The following LRP1B variants were observed in gnomAD, a reference collection of about 807,000 sequenced individuals.
LRP1B encodes the protein LDL receptor related protein 1B.
In LRP1B, 217 loss-of-function variants were observed where a neutral mutation model predicts 556.6. That is an observed-to-expected ratio of 0.39 (90% CI 0.35 to 0.44). The LOEUF (loss-of-function observed/expected upper bound fraction) is 0.44. LRP1B is among the 20% of genes least tolerant of loss of function. The probability of loss-of-function intolerance (pLI) is 1.00; values close to 1 mark genes in which losing one functional copy is unlikely to be tolerated. For missense variants in LRP1B, 5,053 were observed against 5,620.8 expected (o/e 0.90, Z 3.23); for synonymous variants, 2,047 against 1,865.8 (o/e 1.10, Z -2.50).
intron 43 of LRP1B, among the ~76,000 whole-genome samples, chr2:140,574,397 A>G (rs11686165): frequency 0.15 from 23,287 of 152,098 alleles, 1,943 homozygotes; most frequent in East Asian, 0.23. Context: ...CACTTTGACC[A>G]TTCTACACAA....
intron 1 of LRP1B, among the ~76,000 whole-genome samples, chr2:141,844,900 T>C (rs1697593337): frequency 6.6e-6 from 1 of 151,972 alleles, no homozygotes; most frequent in Non-Finnish European, 1.5e-5. Context: ...TAGACTTCTA[T>C]ATTCTTATTC....
At chr2:140,620,096 TA>T (rs1683398663) in intron 41 of LRP1B, among the ~76,000 whole-genome samples, 1 of 152,208 alleles carries the variant, frequency 6.6e-6, no homozygotes, top group Admixed American at 6.5e-5. Flanking sequence ...AAGTAAATTA[TA>T]TTTTTTTAAG....
At chr2:140,635,034 G>C (rs1373425985) in intron 41 of LRP1B, among the ~76,000 whole-genome samples, 1 of 152,048 alleles carries the variant, frequency 6.6e-6, no homozygotes, top group African/African-American at 2.4e-5. Flanking sequence ...AGGGGAAACT[G>C]AGTATGAGAT....
intron 3 of LRP1B, among the ~76,000 whole-genome samples, chr2:141,353,414 T>C (rs1213449146): frequency 1.3e-5 from 2 of 152,014 alleles, no homozygotes; most frequent in African/African-American, 2.4e-5. Context: ...TCTATCAAAC[T>C]CTGAAATTCT....
At chr2:141,012,189 G>T (rs1052867019) in intron 14 of LRP1B, among the ~76,000 whole-genome samples, 4 of 151,952 alleles carry the variant, frequency 2.6e-5, no homozygotes, top group African/African-American at 9.7e-5. Context: ...ACTCACTAAA[G>T]CAACTGGAAG....
At chr2:140,563,783 A>G (rs1681024673) in intron 43 of LRP1B, among the ~76,000 whole-genome samples, 1 of 152,212 alleles carries the variant, frequency 6.6e-6, no homozygotes, top group Admixed American at 6.5e-5. Context: ...ACCACTTATT[A>G]TATCTTAATC....
chr2:140,808,231 TAGG>T (rs1690794029), intron 32 of LRP1B, among the ~76,000 whole-genome samples: 1 of 52,820 alleles, frequency 1.9e-5, no homozygotes, highest in Admixed American at 1.8e-4. Flanking sequence ...CACTGGAGAA[TAGG>T]AGAAGCACAG....
At chr2:140,266,032 C>A (rs1200252932) in intron 86 of LRP1B, among the ~76,000 whole-genome samples, 1 of 152,034 alleles carries the variant, frequency 6.6e-6, no homozygotes, top group African/African-American at 2.4e-5. Context: ...CCATCTCTCT[C>A]TCCTTCCCAG....
At chr2:142,123,327 G>A (rs1033896875) in intron 1 of LRP1B, among the ~76,000 whole-genome samples, 16 of 152,070 alleles carry the variant, frequency 1.1e-4, no homozygotes, top group South Asian at 4.1e-4. Flanking sequence ...TTATATATTC[G>A]TATTTCTAAA....
chr2:141,893,645 G>T (rs916047119), intron 1 of LRP1B, among the ~76,000 whole-genome samples: 2 of 152,146 alleles, frequency 1.3e-5, no homozygotes, highest in Non-Finnish European at 2.9e-5. Context: ...CAGGAAGCAG[G>T]TAAGCCATGG....
chr2:141,863,391 T>C (rs1331985839), intron 1 of LRP1B, among the ~76,000 whole-genome samples: 1 of 152,072 alleles, frequency 6.6e-6, no homozygotes, highest in East Asian at 1.9e-4. Flanking sequence ...CAGGCAAAAA[T>C]AAAGTCTGGT....
intron 83 of LRP1B, among the ~76,000 whole-genome samples, chr2:140,309,230 CAAAGAA>C (rs1310356668): frequency 6.6e-6 from 1 of 151,442 alleles, no homozygotes; most frequent in Non-Finnish European, 1.5e-5. Flanking sequence ...CAAAGCCTGA[CAAAGAA>C]AAAGAAGAAT....
At chr2:140,428,637 C>T (rs966624726) in intron 66 of LRP1B, among the ~76,000 whole-genome samples, 1 of 152,128 alleles carries the variant, frequency 6.6e-6, no homozygotes, top group African/African-American at 2.4e-5. Flanking sequence ...TCTCTGAAGC[C>T]CCCTAGACCA....
At chr2:141,791,963 T>C (rs1387020528) in intron 2 of LRP1B, among the ~76,000 whole-genome samples, 1 of 151,982 alleles carries the variant, frequency 6.6e-6, no homozygotes, top group Middle Eastern at 3.2e-3. Context: ...CAAAATGCCA[T>C]TAACTTCGGT....
intron 43 of LRP1B, among the ~76,000 whole-genome samples, chr2:140,550,100 T>C (rs201949591): frequency 1.3e-5 from 2 of 151,840 alleles, no homozygotes; most frequent in East Asian, 1.9e-4. Context: ...AGTAAGAACG[T>C]GAGTCGTTGT....
intron 79 of LRP1B, among the ~76,000 whole-genome samples, chr2:140,327,913 A>AATTT (rs1680576419): frequency 6.6e-6 from 1 of 151,938 alleles, no homozygotes; most frequent in Non-Finnish European, 1.5e-5. Context: ...GGATGAATGG[A>AATTT]ATTTATACTC....
At chr2:140,797,795 T>C (rs767143816) in intron 32 of LRP1B, among the ~76,000 whole-genome samples, 6 of 152,054 alleles carry the variant, frequency 3.9e-5, no homozygotes, top group Non-Finnish European at 8.8e-5. Context: ...CTAAGGCACT[T>C]AAAAAAGAAA....
intron 27 of LRP1B, among the ~76,000 whole-genome samples, chr2:140,857,633 A>G (rs1253684781): frequency 6.6e-6 from 1 of 152,144 alleles, no homozygotes; most frequent in Non-Finnish European, 1.5e-5. Context: ...TGTTCCTCAA[A>G]TTATGTCATA....
chr2:141,042,254 A>T (rs1460645608), intron 11 of LRP1B, among the ~76,000 whole-genome samples: 1 of 152,086 alleles, frequency 6.6e-6, no homozygotes, highest in East Asian at 1.9e-4. Flanking sequence ...GGAGAAAGTA[A>T]CTTTTTCTGG....
Sources: gnomAD v4.1 joint callset for allele counts (sites outside exome capture counted in the v4.1 genomes callset) on GRCh38, gnomAD v4.1.1 for gene constraint, MANE v1.5 for transcripts, NCBI Gene and HGNC (gene_info 2026-07-23, HGNC 2026-07-21) for gene names.